Variants in CCDC91 observed in about 807,000 individuals in gnomAD.
CCDC91 encodes the protein coiled-coil domain-containing protein 91.
CCDC91 carries 48 observed loss-of-function variants against 63.2 expected under a neutral mutation model. The observed-to-expected ratio is 0.76, with a 90% CI of 0.60 to 0.97. The LOEUF (loss-of-function observed/expected upper bound fraction) is 0.97, where lower values mean the gene tolerates loss of function less well. Among genes scored for constraint, CCDC91 ranks in the 50% least tolerant of loss-of-function variants. CCDC91 has a pLI of 0.00. For synonymous variants in CCDC91, 167 were observed against 165.8 expected (o/e 1.01, Z -0.06); for missense variants, 500 against 494.6 (o/e 1.01, Z -0.10).
rs76292571 is a variant in CCDC91 at position 28,370,351 on chromosome 12, G to A, written c.654+7836G>A. 9.2e-3 allele frequency among the ~76,000 whole-genome samples: 1,401 copies of A among 152,286 alleles called. 26 individuals are homozygous for A. The highest frequency in any genetic ancestry group is 0.032 in the African/African-American group (1,331 of 41,556). ...CATTTTACAATTCTCTAGGGCAGGGGCAAAATGCTGTTGAGTCTCTTTGTT... is the reference window on the plus strand; with the variant it reads ...CATTTTACAATTCTCTAGGGCAGGGACAAAATGCTGTTGAGTCTCTTTGTT... On this transcript the variant is annotated intron_variant, in intron 7 of 12. Transcript: ENST00000536442.
chr12:28,226,645 T>C (rs1176829320), intron 1 of CCDC91, among the ~76,000 whole-genome samples: 1 of 152,186 alleles, frequency 6.6e-6, no homozygotes, highest in East Asian at 1.9e-4. Flanking sequence ...TTTTACATTA[T>C]TGTACATTTG....
intron 12 of CCDC91, among the ~76,000 whole-genome samples, chr12:28,514,370 A>C (rs1939697754): frequency 2.0e-5 from 3 of 151,222 alleles, no homozygotes; most frequent in African/African-American, 7.3e-5. Flanking sequence ...CCTTTGTCAG[A>C]TGCATAGTTT....
chr12:28,388,042 A>G, intron 7 of CCDC91, among the ~76,000 whole-genome samples: 1 of 152,070 alleles, frequency 6.6e-6, no homozygotes, highest in East Asian at 1.9e-4. Context: ...TATCCCTTCC[A>G]GCATCTATTA....
At chr12:28,490,249 T>C (rs1256236306) in intron 12 of CCDC91, among the ~76,000 whole-genome samples, 2 of 151,858 alleles carry the variant, frequency 1.3e-5, no homozygotes, top group Non-Finnish European at 2.9e-5. Context: ...ATTCAGCATC[T>C]GTGGTCTAAA....
chr12:28,198,704 T>G (rs1258105268), intron 1 of CCDC91, among the ~76,000 whole-genome samples: 1 of 152,214 alleles, frequency 6.6e-6, no homozygotes, highest in Non-Finnish European at 1.5e-5. Flanking sequence ...CTCTTTTTAT[T>G]CAGTCTAGCA....
chr12:28,304,829 G>A, intron 3 of CCDC91: 1 of 327,018 alleles, frequency 3.1e-6, no homozygotes, highest in East Asian at 8.5e-5. Flanking sequence ...AAGAACACTG[G>A]AAAATCAAGT....
intron 3 of CCDC91, among the ~76,000 whole-genome samples, chr12:28,262,332 A>G (rs1418545295): frequency 6.6e-6 from 1 of 152,062 alleles, no homozygotes; most frequent in Non-Finnish European, 1.5e-5. Flanking sequence ...GCACTAAGAA[A>G]CATTTGGTTT....
At chr12:28,199,269 C>A (rs1256056469) in intron 1 of CCDC91, among the ~76,000 whole-genome samples, 1 of 151,362 alleles carries the variant, frequency 6.6e-6, no homozygotes, top group Non-Finnish European at 1.5e-5. Flanking sequence ...CTGGGACTTA[C>A]AAATAGTACC....
At chr12:28,237,343 T>G (rs1268312681) in intron 1 of CCDC91, among the ~76,000 whole-genome samples, 1 of 151,812 alleles carries the variant, frequency 6.6e-6, no homozygotes, top group Non-Finnish European at 1.5e-5. Flanking sequence ...AAGTGTTACC[T>G]TGTGTGGAAA....
intron 3 of CCDC91, among the ~76,000 whole-genome samples, chr12:28,264,474 TAAG>T (rs1947042467): frequency 6.6e-6 from 1 of 151,402 alleles, no homozygotes; most frequent in South Asian, 2.1e-4. Flanking sequence ...AGTAAACTAA[TAAG>T]AGCAGAGACT....
chr12:28,402,616 C>T (rs182129993), intron 8 of CCDC91, among the ~76,000 whole-genome samples: 1,258 of 119,052 alleles, frequency 0.011, 17 homozygotes, highest in Non-Finnish European at 0.015. Context: ...TTTCTTTCTT[C>T]TCAATCCATA....
At position 28,549,353 on chromosome 12, in the gene CCDC91, G is replaced by C. The variant is rs1005758572; in HGVS notation, c.*180G>C. The C allele has an allele frequency of 2.2e-6, 1 of 456,718 alleles. No homozygotes were observed. The highest frequency in any genetic ancestry group is 4.0e-6 in the Non-Finnish European group (1 of 249,862). 28.3% of individuals were successfully genotyped at this position (456,718 alleles called of 1,614,324 possible). On this transcript the variant is annotated 3_prime_UTR_variant, in exon 13 of 13. Coordinates refer to ENST00000536442, the MANE Select transcript of CCDC91 (RefSeq NM_018318.5). ...AAGTGATCTAATTTATTTTCTTTTG[G>C]TTTCTTCTTTACATTTACTGTTATT...
intron 3 of CCDC91, among the ~76,000 whole-genome samples, chr12:28,281,541 A>C (rs1267345479): frequency 5.3e-5 from 8 of 152,216 alleles, no homozygotes; most frequent in Admixed American, 5.2e-4. Flanking sequence ...ATACCTTCAC[A>C]GCAACATCTA....
At chr12:28,487,788 TG>T (rs1592822114) in intron 12 of CCDC91, among the ~76,000 whole-genome samples, 1 of 151,938 alleles carries the variant, frequency 6.6e-6, no homozygotes, top group East Asian at 1.9e-4. Context: ...TGAAAATCTT[TG>T]AAGGAAGAAG....
intron 8 of CCDC91, among the ~76,000 whole-genome samples, chr12:28,426,967 C>T (rs1327983427): frequency 6.6e-6 from 1 of 152,080 alleles, no homozygotes; most frequent in African/African-American, 2.4e-5. Context: ...TTTTCTCTTG[C>T]TGTAAGTTGC....
chr12:28,319,628 A>T (rs1940271607), intron 6 of CCDC91, among the ~76,000 whole-genome samples: 1 of 151,832 alleles, frequency 6.6e-6, no homozygotes, highest in African/African-American at 2.4e-5. Flanking sequence ...AATAATCTCT[A>T]GATTAGTTAT....
At chr12:28,409,812 GTT>G (rs1300957930) in intron 8 of CCDC91, among the ~76,000 whole-genome samples, 1 of 151,782 alleles carries the variant, frequency 6.6e-6, no homozygotes, top group Admixed American at 6.6e-5. Context: ...ATTTAGAAGA[GTT>G]TTTATTTAGT....
At chr12:28,201,311 C>T (rs1555150888) in intron 1 of CCDC91, among the ~76,000 whole-genome samples, 6 of 144,566 alleles carry the variant, frequency 4.2e-5, no homozygotes, top group South Asian at 2.3e-4. Flanking sequence ...ACTTCTCAGA[C>T]GGGGCGGCCG....
At chr12:28,265,411 A>G (rs1253527846) in intron 3 of CCDC91, among the ~76,000 whole-genome samples, 1 of 152,042 alleles carries the variant, frequency 6.6e-6, no homozygotes, top group Non-Finnish European at 1.5e-5. Context: ...GTTGAACCAA[A>G]TAAGTTAGAT....
Sources: gnomAD v4.1 joint callset for allele counts (sites outside exome capture counted in the v4.1 genomes callset) on GRCh38, gnomAD v4.1.1 for gene constraint, MANE v1.5 for transcripts, NCBI Gene and HGNC (gene_info 2026-07-23, HGNC 2026-07-21) for gene names.